Variants in HS3ST1 observed in about 807,000 individuals in gnomAD.
HS3ST1 encodes the protein heparan sulfate-glucosamine 3-sulfotransferase 1, also known as heparan sulfate glucosamine 3-O-sulfotransferase 1.
HS3ST1 carries 8 observed loss-of-function variants against 20.7 expected under a neutral mutation model. The ratio of observed to expected loss-of-function variants is 0.39; its 90% CI spans 0.23 to 0.70. The LOEUF (loss-of-function observed/expected upper bound fraction) is 0.70. Ranked by LOEUF, HS3ST1 falls within the 30% of genes least tolerant of loss-of-function variation. The probability of loss-of-function intolerance (pLI) is 0.46; values close to 1 mark genes in which losing one functional copy is unlikely to be tolerated. For synonymous variants in HS3ST1, 205 were observed against 190.4 expected, an observed-to-expected ratio of 1.08 and a Z score of -0.63; for missense variants, 436 against 423.4, an observed-to-expected ratio of 1.03 and a Z score of -0.26.
intron 1 of HS3ST1, among the ~76,000 whole-genome samples, chr4:11,416,356 G>GTGAAGGGGCA (rs889225847): frequency 6.6e-6 from 1 of 152,174 alleles, no homozygotes; most frequent in African/African-American, 2.4e-5. Context: ...CACGAGAGGT[G>GTGAAGGGGCA]TGAAGGGGCA....
In HS3ST1 at chr4:11,395,165, C is replaced by T. The variant is rs904503740; in HGVS notation, c.*3917G>A. ...CTGCTCTGGTGACACTACTGCCATT[C>T]GTGCGTGCCCCAGCTTTATGGCAAT... On this transcript the variant is annotated 3_prime_UTR_variant, in exon 2 of 2. Transcript: ENST00000002596. 8 of 152,276 alleles carry T rather than the reference C, an allele frequency of 5.3e-5. No homozygotes were observed. Among genetic ancestry groups the T allele is most frequent in the East Asian group, 1.9e-4 (1 of 5,178 alleles). 9.4% of individuals were successfully genotyped at this position (152,276 alleles called of 1,614,324 possible).
rs955068145 is a variant in HS3ST1 at position 11,399,645 on chromosome 4, G to A, written c.361C>T (p.Pro121Ser). The change falls in exon 2 of 2, where the codon CCC becomes TCC. Residue 121 changes from proline to serine, a missense_variant. Transcript: ENST00000002596. The surrounding 1 kb of genome is among the most constrained non-coding windows in gnomAD (Gnocchi z 5.1). ...WPHQLTVEKT[P>S]AYFTSPKVPE... is the part of the protein sequence containing the mutation. ...ACTTTGGGCGACGTGAAATACGCGG[G>A]GGTCTTCTCCACTGTGAGCTGGTGT... 1 of 1,613,820 alleles carries A rather than the reference G, an allele frequency of 6.2e-7. No individual in the cohort carries two copies. The highest frequency in any genetic ancestry group is 1.3e-5 in the African/African-American group (1 of 74,920).
intron 1 of HS3ST1, among the ~76,000 whole-genome samples, chr4:11,402,019 C>T (rs1350286932): frequency 2.0e-5 from 3 of 152,196 alleles, no homozygotes; most frequent in African/African-American, 7.2e-5. Context: ...GGCTTGGGGA[C>T]TGAGGGATTT....
intron 1 of HS3ST1, among the ~76,000 whole-genome samples, chr4:11,402,026 A>T (rs561246593): frequency 6.6e-6 from 1 of 152,186 alleles, no homozygotes; most frequent in Non-Finnish European, 1.5e-5. Context: ...GGACTGAGGG[A>T]TTTACAAAGC....
intron 1 of HS3ST1, among the ~76,000 whole-genome samples, chr4:11,426,751 G>A (rs1205265366): frequency 6.6e-6 from 1 of 152,250 alleles, no homozygotes; most frequent in Admixed American, 6.5e-5. Flanking sequence ...TCAGCTGAAA[G>A]AGTTAGATGG....
intron 1 of HS3ST1, among the ~76,000 whole-genome samples, chr4:11,417,387 C>G (rs924614670): frequency 3.9e-5 from 6 of 152,136 alleles, no homozygotes; most frequent in Non-Finnish European, 7.3e-5. Flanking sequence ...GTGGGGGCGG[C>G]TCTAGACAAA....
chr4:11,410,518 G>A (rs1218034518), intron 1 of HS3ST1, among the ~76,000 whole-genome samples: 1 of 152,220 alleles, frequency 6.6e-6, no homozygotes, highest in Non-Finnish European at 1.5e-5. Context: ...GGGAGCACAG[G>A]CCATGGCAGG....
intron 1 of HS3ST1, among the ~76,000 whole-genome samples, chr4:11,424,037 GAAAAAAAA>G (rs543945093): frequency 8.9e-6 from 1 of 112,914 alleles, no homozygotes; most frequent in Admixed American, 1.0e-4. Context: ...AGTCTATCTT[GAAAAAAAA>G]AAAAAAAAAA....
At chr4:11,429,969 C>T (rs1383427219), upstream of HS3ST1, among the ~76,000 whole-genome samples, 2 of 152,040 alleles carry the variant, frequency 1.3e-5, no homozygotes, top group African/African-American at 2.4e-5. Context: ...ACTGTAGTTT[C>T]CATGTCTTCC....
At chr4:11,418,661 G>T (rs891458097) in intron 1 of HS3ST1, among the ~76,000 whole-genome samples, 1 of 152,144 alleles carries the variant, frequency 6.6e-6, no homozygotes, top group Non-Finnish European at 1.5e-5. Flanking sequence ...TTCCCATGGT[G>T]CAGGCAGGTG....
At position 11,398,846 on chromosome 4, in the gene HS3ST1, T is replaced by A. The variant is rs1234920154; in HGVS notation, c.*236A>T. The A allele has an allele frequency of 7.8e-6, 3 of 384,692 alleles. No individual in the cohort carries two copies. Among genetic ancestry groups the A allele is most frequent in the Admixed American group, 4.3e-5 (1 of 23,450 alleles). The allele number at this position is 384,692 out of a possible 1,614,324, so 23.8% of individuals were successfully genotyped here. A position where few individuals can be genotyped will look rare whatever the true frequency, so the allele number is the denominator to read the frequency against. Reference sequence around the variant, plus strand: ...AGTGAAATAGTTTAGTTCCTTCATATAGAGACATATTACACAATGTTAACA... The same window carrying A: ...AGTGAAATAGTTTAGTTCCTTCATAAAGAGACATATTACACAATGTTAACA... On this transcript the variant is annotated 3_prime_UTR_variant, in exon 2 of 2. Transcript: ENST00000002596.
chr4:11,430,776 A>G (rs1257338932), upstream of HS3ST1, among the ~76,000 whole-genome samples: 1 of 152,230 alleles, frequency 6.6e-6, no homozygotes. Flanking sequence ...GGAAGTTTCC[A>G]TTTGCAGGAA....
chr4:11,430,221 G>GA (rs767153192), upstream of HS3ST1, among the ~76,000 whole-genome samples: 1 of 151,994 alleles, frequency 6.6e-6, no homozygotes, highest in Non-Finnish European at 1.5e-5. Context: ...TGTGCTTTTG[G>GA]AAAATAAGCT....
intron 1 of HS3ST1, among the ~76,000 whole-genome samples, chr4:11,402,552 T>G (rs1299304301): frequency 6.6e-6 from 1 of 152,206 alleles, no homozygotes; most frequent in Non-Finnish European, 1.5e-5. Context: ...TGTGCATGCT[T>G]GAGTGTGTCT....
intron 1 of HS3ST1, among the ~76,000 whole-genome samples, chr4:11,423,016 A>G (rs36156111): frequency 3.2e-5 from 3 of 94,800 alleles, no homozygotes; most frequent in Non-Finnish European, 6.0e-5. Flanking sequence ...AGAGCGAGAC[A>G]CCGTCAAAAA....
At chr4:11,400,194 T>A in intron 1 of HS3ST1, 81 bp from the exon 2 acceptor site, 1 of 1,228,258 alleles carries the variant, frequency 8.1e-7, no homozygotes, top group Non-Finnish European at 1.1e-6. Flanking sequence ...CACTCTGTAG[T>A]GAGGCCTATA....
At position 11,399,227 on chromosome 4, in the gene HS3ST1, C is replaced by G. The variant is rs1342748190; in HGVS notation, c.779G>C (p.Ser260Thr). The change falls in exon 2 of 2, where the codon AGC becomes ACC. Residue 260 changes from serine to threonine, a missense_variant. By Grantham distance (58) the Ser-to-Thr change is moderately conservative (BLOSUM62 1). Coordinates refer to ENST00000002596, the MANE Select transcript of HS3ST1 (RefSeq NM_005114.4). This position sits in a 1 kb window ranked among gnomAD's most constrained non-coding sequence, Gnocchi z 5.1. ...KTKGFYCLRDSGRDRCLHESK... is the reference protein window; with the variant it reads ...KTKGFYCLRDTGRDRCLHESK... ...CTCATGTAAGCAGCGGTCCCGGCCG[C>G]TGTCCCGCAGGCAGTAAAAGCCCTT... 6.2e-7 allele frequency: 1 copy of G among 1,614,072 alleles called. No individual in the cohort carries two copies. Among genetic ancestry groups the G allele is most frequent in the African/African-American group, 1.3e-5 (1 of 74,914 alleles).
intron 1 of HS3ST1, among the ~76,000 whole-genome samples, chr4:11,410,027 C>T (rs886422958): frequency 6.6e-6 from 1 of 151,976 alleles, no homozygotes; most frequent in Non-Finnish European, 1.5e-5. Context: ...TATAAGTTGC[C>T]AAGTAAAGTG....
At chr4:11,400,333 C>T (rs1021080742) in intron 1 of HS3ST1, among the ~76,000 whole-genome samples, 2 of 152,066 alleles carry the variant, frequency 1.3e-5, no homozygotes, top group East Asian at 1.9e-4. Context: ...CAACTCCAAC[C>T]GTGCTATTAT....
Sources: allele counts gnomAD v4.1 joint callset (sites outside exome capture counted in the v4.1 genomes callset), GRCh38; gene constraint gnomAD v4.1.1; non-coding constraint Gnocchi (gnomAD v3.1); transcripts MANE v1.5; gene names NCBI Gene and HGNC (gene_info 2026-07-23, HGNC 2026-07-21).